The following STARD13 variants were observed in gnomAD, a reference collection of about 807,000 sequenced individuals.
STARD13 encodes StAR related lipid transfer domain containing 13.
STARD13 carries 62 observed loss-of-function variants against 106.4 expected under a neutral mutation model. That is an observed-to-expected ratio of 0.58 (90% CI 0.48 to 0.72). STARD13 has a LOEUF of 0.72. Ranked by LOEUF, STARD13 falls within the 30% of genes least tolerant of loss-of-function variation. STARD13 has a pLI of 0.00. For synonymous variants in STARD13, 565 were observed against 553.0 expected (o/e 1.02, Z -0.31); for missense variants, 1,387 against 1,424.0 (o/e 0.97, Z 0.42).
At chr13:33,442,242 T>C in the STARD13 span, among the ~76,000 whole-genome samples, 1 of 152,198 alleles carries the variant, frequency 6.6e-6, no homozygotes, top group Admixed American at 6.5e-5. Context: ...CTAAGAGCAA[T>C]TGCTGCCGAA....
Position 33,110,037 on chromosome 13 carries a change from T to C in STARD13, c.2883A>G (p.Ala961=), listed in dbSNP as rs1015738473. 2 of 1,614,048 alleles carry C rather than the reference T, an allele frequency of 1.2e-6. No individual in the cohort carries two copies. The highest frequency in any genetic ancestry group is 1.7e-6 in the Non-Finnish European group (2 of 1,180,010). The change falls in exon 12 of 14, where the codon GCA becomes GCG. Residue 961 remains alanine (A), a synonymous_variant. Coordinates refer to ENST00000336934, the MANE Select transcript of STARD13 (RefSeq NM_178006.4). The part of the protein sequence containing the change: ...KLWKASVEVE[A]PPSVVLNRVL... ...CGCGGTTCAGGACCACTGAGGGGGG[T>C]GCTTCCACCTCCACAGAAGCCTTCC...
chr13:33,485,132 C>G, the STARD13 span, among the ~76,000 whole-genome samples: 1 of 152,140 alleles, frequency 6.6e-6, no homozygotes, highest in African/African-American at 2.4e-5. Context: ...CTCTCAAACT[C>G]CTACTTGGTA....
the STARD13 span, among the ~76,000 whole-genome samples, chr13:33,642,803 T>A: frequency 3.4e-5 from 5 of 145,042 alleles, no homozygotes; most frequent in Admixed American, 7.0e-5. Context: ...GATCCCCAGA[T>A]ACTGCAGAGG....
At chr13:33,246,294 C>T (rs1889819687) in intron 1 of STARD13, among the ~76,000 whole-genome samples, 1 of 152,156 alleles carries the variant, frequency 6.6e-6, no homozygotes, top group African/African-American at 2.4e-5. Flanking sequence ...GAGGAAAGCA[C>T]TACCATCAAG....
intron 1 of STARD13, among the ~76,000 whole-genome samples, chr13:33,239,405 G>T (rs1048325827): frequency 1.3e-5 from 2 of 152,086 alleles, no homozygotes; most frequent in African/African-American, 4.8e-5. Flanking sequence ...AAGTAGAATT[G>T]CTGGATTATA....
At chr13:33,489,184 T>C in the STARD13 span, among the ~76,000 whole-genome samples, 1 of 152,240 alleles carries the variant, frequency 6.6e-6, no homozygotes, top group African/African-American at 2.4e-5. Flanking sequence ...GTTTTCTTCC[T>C]CTGGTCAATG....
chr13:33,436,073 A>G, the STARD13 span, among the ~76,000 whole-genome samples: 1 of 152,226 alleles, frequency 6.6e-6, no homozygotes, highest in African/African-American at 2.4e-5. Flanking sequence ...AACACAATGA[A>G]GCTGAGAAGG....
intron 9 of STARD13, among the ~76,000 whole-genome samples, chr13:33,112,319 T>C (rs1593857645): frequency 6.6e-6 from 1 of 152,208 alleles, no homozygotes; most frequent in South Asian, 2.1e-4. Context: ...AATAATTCTA[T>C]GAATCTGAGC....
At chr13:33,643,895 G>C in the STARD13 span, among the ~76,000 whole-genome samples, 1 of 152,182 alleles carries the variant, frequency 6.6e-6, no homozygotes, top group Admixed American at 6.5e-5. Context: ...TGGGGAGATG[G>C]GCTAAGATTC....
chr13:33,127,515 G>A lies in STARD13; in HGVS notation c.1780C>T (p.His594Tyr). Residue 594 changes from histidine (H) to tyrosine (Y), a missense_variant, in exon 6 of 14, where the codon CAC becomes TAC. Transcript: ENST00000336934. Reference protein sequence around the residue: ...RLRWNSFQLSHQPRPAPASPH... With the variant: ...RLRWNSFQLSYQPRPAPASPH... ...GATGCTGGGGCCGGCCGGGGCTGGTGCGACAGCTGGAAACTGTTCCATCGG... is the reference window on the plus strand; with the variant it reads ...GATGCTGGGGCCGGCCGGGGCTGGTACGACAGCTGGAAACTGTTCCATCGG... 6.4e-7 allele frequency: 1 copy of A among 1,566,502 alleles called. No individual in the cohort carries two copies. Among genetic ancestry groups the A allele is most frequent in the Non-Finnish European group, 8.6e-7 (1 of 1,163,280 alleles).
chr13:33,619,495 A>G, the STARD13 span, among the ~76,000 whole-genome samples: 1 of 152,242 alleles, frequency 6.6e-6, no homozygotes, highest in East Asian at 1.9e-4. Flanking sequence ...AATGAACCTA[A>G]TTAACTTAAT....
At chr13:33,320,829 C>T (rs1196720354) in intron 1 of STARD13, among the ~76,000 whole-genome samples, 1 of 152,076 alleles carries the variant, frequency 6.6e-6, no homozygotes. Flanking sequence ...AATCAACTTC[C>T]GATGTGTACC....
At chr13:33,198,694 T>C (rs927693845) in intron 1 of STARD13, among the ~76,000 whole-genome samples, 1 of 152,192 alleles carries the variant, frequency 6.6e-6, no homozygotes, top group Non-Finnish European at 1.5e-5. Flanking sequence ...TTTGTTTTCC[T>C]ATTTTGCTCA....
At chr13:33,121,528 AC>A (rs1353843849) in intron 7 of STARD13, among the ~76,000 whole-genome samples, 19 of 151,334 alleles carry the variant, frequency 1.3e-4, no homozygotes, top group African/African-American at 4.4e-4. Context: ...AGATTGTGCC[AC>A]TGCACTCTAG....
At chr13:33,150,536 A>C (rs558155879) in intron 3 of STARD13, among the ~76,000 whole-genome samples, 1 of 152,360 alleles carries the variant, frequency 6.6e-6, no homozygotes, top group East Asian at 1.9e-4. Context: ...GAAAAATTTT[A>C]GGAAGGCCTG....
chr13:33,349,648 A>G (rs879462384), intron 1 of STARD13, among the ~76,000 whole-genome samples: 4 of 152,144 alleles, frequency 2.6e-5, no homozygotes, highest in African/African-American at 7.2e-5. Context: ...GTTCGTGGAC[A>G]ATGGAGTCCC....
At chr13:33,300,024 A>C (rs1351098005) in intron 1 of STARD13, among the ~76,000 whole-genome samples, 1 of 152,192 alleles carries the variant, frequency 6.6e-6, no homozygotes, top group Non-Finnish European at 1.5e-5. Context: ...TATTTTTTAA[A>C]TGGCTCTAAA....
chr13:33,350,242 C>G (rs1214733789), intron 1 of STARD13: 10 of 1,498,754 alleles, frequency 6.7e-6, no homozygotes, highest in South Asian at 3.8e-5. Context: ...GCTACGGGGC[C>G]GGCGCCTCCC....
downstream of STARD13, among the ~76,000 whole-genome samples, chr13:33,346,249 C>A (rs889047596): frequency 6.6e-6 from 1 of 152,198 alleles, no homozygotes; most frequent in Non-Finnish European, 1.5e-5. Flanking sequence ...ATGACTGCCA[C>A]CCCAGCTGAC....
Sources: allele counts gnomAD v4.1 joint callset (sites outside exome capture counted in the v4.1 genomes callset), GRCh38; gene constraint gnomAD v4.1.1; transcripts MANE v1.5; gene names NCBI Gene and HGNC (gene_info 2026-07-23, HGNC 2026-07-21).